Variants in SVIL observed in about 807,000 individuals in gnomAD.
SVIL encodes the protein archvillin.
SVIL carries 101 observed loss-of-function variants against 240.4 expected under a neutral mutation model. That is an observed-to-expected ratio of 0.42 (90% CI 0.36 to 0.50). SVIL has a LOEUF of 0.50. SVIL is among the 20% of genes least tolerant of loss of function. The pLI is 0.01. For synonymous variants in SVIL, 999 were observed against 1,100.0 expected (o/e 0.91, Z 1.82); for missense variants, 2,512 against 2,818.7 (o/e 0.89, Z 2.46).
chr10:29,711,033 T>A (rs568208772), intron 1 of SVIL, among the ~76,000 whole-genome samples: 72 of 152,114 alleles, frequency 4.7e-4, no homozygotes, highest in Non-Finnish European at 6.8e-4. Flanking sequence ...AACTAGAGGA[T>A]TTGAGGGAAA....
intron 1 of SVIL, among the ~76,000 whole-genome samples, chr10:29,592,986 A>C (rs537318924): frequency 6.6e-6 from 1 of 152,334 alleles, no homozygotes; most frequent in South Asian, 2.1e-4. Context: ...GTTGTAGGGA[A>C]GTTTTAAACA....
intron 1 of SVIL, among the ~76,000 whole-genome samples, chr10:29,724,824 C>A (rs538976809): frequency 2.9e-4 from 44 of 152,056 alleles, no homozygotes; most frequent in Non-Finnish European, 2.2e-4. Flanking sequence ...GAGTTCGAGA[C>A]CAGCCTGGTC....
intron 1 of SVIL, among the ~76,000 whole-genome samples, chr10:29,710,911 A>G (rs992156948): frequency 1.3e-5 from 2 of 152,246 alleles, no homozygotes; most frequent in Non-Finnish European, 2.9e-5. Context: ...GAATTTAAGG[A>G]AAATTAACAA....
intron 13 of SVIL, among the ~76,000 whole-genome samples, chr10:29,526,437 TAG>T (rs1950924604): frequency 6.6e-6 from 1 of 151,706 alleles, no homozygotes; most frequent in Non-Finnish European, 1.5e-5. Flanking sequence ...CCCAAGTAGC[TAG>T]GATTACTGGC....
intron 1 of SVIL, among the ~76,000 whole-genome samples, chr10:29,626,351 T>C (rs1163333865): frequency 6.6e-6 from 1 of 152,204 alleles, no homozygotes; most frequent in African/African-American, 2.4e-5. Flanking sequence ...ACCATTCCAT[T>C]GGAACTTAAA....
intron 2 of SVIL, among the ~76,000 whole-genome samples, chr10:29,671,349 A>T (rs955485377): frequency 6.6e-6 from 1 of 152,118 alleles, no homozygotes; most frequent in African/African-American, 2.4e-5. Flanking sequence ...GAAGTCCTTT[A>T]TTGGTTTTCC....
At chr10:29,526,856 T>C (rs1160533350) in intron 13 of SVIL, 105 bp downstream of exon 13, 3 of 962,978 alleles carry the variant, frequency 3.1e-6, no homozygotes, top group Admixed American at 3.5e-5. Context: ...ACTCACGGCA[T>C]TGACTTGTTT....
intron 1 of SVIL, among the ~76,000 whole-genome samples, chr10:29,582,440 C>G (rs1955984671): frequency 6.6e-6 from 1 of 152,052 alleles, no homozygotes; most frequent in South Asian, 2.1e-4. Flanking sequence ...GACGAATAAA[C>G]ATAAAACTAG....
At chr10:29,485,704 A>T (rs1395500326) in intron 26 of SVIL, among the ~76,000 whole-genome samples, 1 of 152,258 alleles carries the variant, frequency 6.6e-6, no homozygotes, top group African/African-American at 2.4e-5. Flanking sequence ...GGACAAAAAC[A>T]GCACATTAAT....
chr10:29,506,273 A>G (rs185042420), intron 17 of SVIL, among the ~76,000 whole-genome samples: 7 of 152,124 alleles, frequency 4.6e-5, no homozygotes, highest in Admixed American at 4.6e-4. Context: ...TCGTGATGGA[A>G]TGGGAAGTTT....
chr10:29,680,840 A>G (rs1181702671), intron 2 of SVIL, among the ~76,000 whole-genome samples: 1 of 152,046 alleles, frequency 6.6e-6, no homozygotes, highest in Non-Finnish European at 1.5e-5. Flanking sequence ...AATATCTTGA[A>G]CCCAGGAAGC....
At chr10:29,597,598 C>T (rs1274348072) in intron 1 of SVIL, among the ~76,000 whole-genome samples, 1 of 151,992 alleles carries the variant, frequency 6.6e-6, no homozygotes, top group Non-Finnish European at 1.5e-5. Context: ...CGGGTTTTTG[C>T]CATGTTGGCC....
At chr10:29,630,904 GA>G (rs1191058084) in intron 1 of SVIL, among the ~76,000 whole-genome samples, 1 of 152,086 alleles carries the variant, frequency 6.6e-6, no homozygotes, top group Non-Finnish European at 1.5e-5. Context: ...CACATTTCTG[GA>G]TTGCCCACTG....
At chr10:29,654,685 G>T (rs76140705) in intron 3 of SVIL, among the ~76,000 whole-genome samples, 2 of 152,076 alleles carry the variant, frequency 1.3e-5, no homozygotes, top group Non-Finnish European at 2.9e-5. Flanking sequence ...TCCCACAACC[G>T]GTTGTCCTCA....
At chr10:29,464,084 C>T (rs181177006) in intron 34 of SVIL, among the ~76,000 whole-genome samples, 17 of 152,302 alleles carry the variant, frequency 1.1e-4, no homozygotes, top group Admixed American at 7.8e-4. Context: ...CTGCCCTGCA[C>T]GCGATTGCTT....
intron 1 of SVIL, among the ~76,000 whole-genome samples, chr10:29,615,547 C>T (rs1957398950): frequency 1.3e-5 from 2 of 152,232 alleles, no homozygotes; most frequent in African/African-American, 4.8e-5. Context: ...CACTTAATTA[C>T]TTTCCTTCTG....
At chr10:29,481,555 C>G in intron 28 of SVIL, 29 bp downstream of exon 28, 1 of 1,612,068 alleles carries the variant, frequency 6.2e-7, no homozygotes, top group Non-Finnish European at 8.5e-7. Flanking sequence ...AACCAAGCCC[C>G]GAGTTTTGAG....
chr10:29,580,127 G>A (rs1227538840), intron 1 of SVIL, among the ~76,000 whole-genome samples: 1 of 151,766 alleles, frequency 6.6e-6, no homozygotes, highest in Non-Finnish European at 1.5e-5. Flanking sequence ...CCAGGAGTTC[G>A]AGAGCAGCCT....
At chr10:29,654,488 C>T (rs572524693) in intron 3 of SVIL, among the ~76,000 whole-genome samples, 1 of 152,092 alleles carries the variant, frequency 6.6e-6, no homozygotes, top group African/African-American at 2.4e-5. Flanking sequence ...GATAGTTTTA[C>T]CTTTTCTTTT....
Sources: allele counts gnomAD v4.1 joint callset (sites outside exome capture counted in the v4.1 genomes callset), GRCh38; gene constraint gnomAD v4.1.1; transcripts MANE v1.5; gene names NCBI Gene and HGNC (gene_info 2026-07-23, HGNC 2026-07-21).